The following ZFAT variants were observed in gnomAD, a reference collection of about 807,000 sequenced individuals.
The protein encoded by ZFAT is zinc finger and AT-hook domain containing, also known as zinc finger protein ZFAT.
ZFAT carries 64 observed loss-of-function variants against 117.7 expected under a neutral mutation model. The observed-to-expected ratio is 0.54, with a 90% CI of 0.44 to 0.67. ZFAT has a LOEUF of 0.67. ZFAT is among the 30% of genes least tolerant of loss of function. The probability of loss-of-function intolerance (pLI) is 0.00; values close to 1 mark genes in which losing one functional copy is unlikely to be tolerated. For missense variants in ZFAT, 1,433 were observed against 1,584.5 expected (o/e 0.90, Z 1.62); for synonymous variants, 679 against 615.0 (o/e 1.10, Z -1.54).
intron 1 of ZFAT, among the ~76,000 whole-genome samples, chr8:134,702,674 T>C (rs1243884280): frequency 2.0e-5 from 3 of 152,024 alleles, no homozygotes; most frequent in African/African-American, 7.2e-5. Context: ...TCTTTTTTTT[T>C]TTTTCTTTTT....
At chr8:134,685,351 G>A (rs912427319) in intron 1 of ZFAT, among the ~76,000 whole-genome samples, 7 of 152,172 alleles carry the variant, frequency 4.6e-5, no homozygotes, top group African/African-American at 1.7e-4. Context: ...GTTATTTCCT[G>A]TAATGCTCAC....
intron 6 of ZFAT, 113 bp from the exon 7 acceptor site, chr8:134,600,781 C>T (rs995528655): frequency 1.4e-4 from 124 of 859,406 alleles, no homozygotes; most frequent in Non-Finnish European, 1.9e-4. Flanking sequence ...TGCGCTTGTC[C>T]GGGTCACCCT....
the ZFAT span, among the ~76,000 whole-genome samples, chr8:134,802,139 T>C: frequency 1.3e-5 from 2 of 152,276 alleles, no homozygotes; most frequent in Admixed American, 6.5e-5. Context: ...AAGTTTGTAA[T>C]ATGGTACAGA....
At chr8:134,823,214 C>A in the ZFAT span, among the ~76,000 whole-genome samples, 1 of 152,118 alleles carries the variant, frequency 6.6e-6, no homozygotes, top group South Asian at 2.1e-4. Flanking sequence ...AGGACAATAC[C>A]TCAGTAGAGA....
chr8:134,788,669 T>C, the ZFAT span, among the ~76,000 whole-genome samples: 3 of 152,164 alleles, frequency 2.0e-5, no homozygotes, highest in Non-Finnish European at 4.4e-5. Context: ...TGGAAAAAGC[T>C]GCATAAGCCT....
the ZFAT span, among the ~76,000 whole-genome samples, chr8:134,759,806 A>C: frequency 6.6e-6 from 1 of 151,876 alleles, no homozygotes; most frequent in Non-Finnish European, 1.5e-5. Flanking sequence ...TGAAACTTCT[A>C]CTAAAAATAC....
At chr8:134,677,295 A>G (rs1832851723) in intron 1 of ZFAT, among the ~76,000 whole-genome samples, 4 of 152,232 alleles carry the variant, frequency 2.6e-5, no homozygotes, top group Admixed American at 2.0e-4. Context: ...ACAAACTACC[A>G]TCAGAGAATA....
chr8:134,602,369 A>G lies in ZFAT; in HGVS notation c.1350T>C (p.His450=), dbSNP rs1312392970. Residue 450 remains histidine (H), a synonymous_variant, in exon 6 of 16, where the codon CAT becomes CAC. Coordinates refer to ENST00000377838, the MANE Select transcript of ZFAT (RefSeq NM_020863.4). ...GATKYQALEL[H]VRKHPFVYVC... ...CGTACACGAAGGGGTGCTTCCTGAC[A>G]TGCAGTTCCAGCGCCTGGTACTTGG... 7.4e-6 allele frequency: 12 copies of G among 1,613,750 alleles called. No homozygotes were observed. Among genetic ancestry groups the G allele is most frequent in the Non-Finnish European group, 1.0e-5 (12 of 1,180,058 alleles).
rs368007583 is a variant in ZFAT, at chr8:134,601,703, C to T, written c.2016G>A (p.Arg672=). The T allele has an allele frequency of 6.1e-5, 99 of 1,613,234 alleles. No homozygotes were observed. Among genetic ancestry groups the T allele is most frequent in the African/African-American group, 1.3e-4 (10 of 74,912 alleles). Residue 672 remains arginine, a synonymous_variant, in exon 6 of 16, where the codon AGG becomes AGA. Transcript: ENST00000377838. The part of the protein sequence containing the change: ...VLSAGDPDPS[R]CLRSNPAEAS... ...CCTCAGCTGGGTTTGACCTGAGACA[C>T]CTGCTGGGATCTGGGTCACCAGCTG...
chr8:134,663,788 T>TGG (rs2131230089), intron 1 of ZFAT, among the ~76,000 whole-genome samples: 3 of 152,256 alleles, frequency 2.0e-5, no homozygotes, highest in South Asian at 4.2e-4. Flanking sequence ...TGAGTCTAAA[T>TGG]AACATTTAAA....
intron 7 of ZFAT, chr8:134,600,180 T>C (rs1053481508): frequency 1.7e-5 from 9 of 532,042 alleles, no homozygotes; most frequent in Non-Finnish European, 3.0e-5. Context: ...ATCTCTTCTG[T>C]AGACTTTATC....
intron 15 of ZFAT, among the ~76,000 whole-genome samples, chr8:134,490,076 C>T (rs548705584): frequency 9.8e-5 from 15 of 152,332 alleles, no homozygotes; most frequent in East Asian, 5.8e-4. Flanking sequence ...GGCCAGGCCA[C>T]GCTATTTCTC....
the ZFAT span, among the ~76,000 whole-genome samples, chr8:134,734,636 C>T: frequency 3.3e-5 from 5 of 152,264 alleles, no homozygotes; most frequent in South Asian, 1.0e-3. Context: ...GCTAAACTAC[C>T]ACCCCCAGAA....
chr8:134,534,647 G>GAGGGAGAA (rs1477565236), intron 11 of ZFAT, among the ~76,000 whole-genome samples: 1 of 148,524 alleles, frequency 6.7e-6, no homozygotes, highest in African/African-American at 2.5e-5. Context: ...GAGAGGGAGA[G>GAGGGAGAA]AGGGAGAAAG....
the ZFAT span, chr8:134,792,228 T>A: frequency 6.6e-6 from 1 of 152,224 alleles, no homozygotes; most frequent in South Asian, 2.1e-4. Flanking sequence ...GTATTAATTG[T>A]ATTGGGAATA....
chr8:134,556,076 G>C (rs957871046), intron 11 of ZFAT, among the ~76,000 whole-genome samples: 1 of 47,266 alleles, frequency 2.1e-5, no homozygotes, highest in African/African-American at 7.9e-5. Flanking sequence ...AGGAAGGAAG[G>C]GAAGGAAGGG....
intron 1 of ZFAT, among the ~76,000 whole-genome samples, chr8:134,677,461 A>G (rs1832858770): frequency 6.6e-6 from 1 of 152,186 alleles, no homozygotes; most frequent in South Asian, 2.1e-4. Context: ...ATAGCCTACC[A>G]ACCAAAAAAA....
At chr8:134,752,941 A>G in the ZFAT span, among the ~76,000 whole-genome samples, 2 of 152,124 alleles carry the variant, frequency 1.3e-5, no homozygotes, top group Non-Finnish European at 2.9e-5. Flanking sequence ...GGGGTGGGGG[A>G]AGATATAATT....
intron 10 of ZFAT, among the ~76,000 whole-genome samples, chr8:134,580,848 T>C (rs888285859): frequency 6.6e-6 from 1 of 152,222 alleles, no homozygotes; most frequent in African/African-American, 2.4e-5. Flanking sequence ...ATAAATGTTA[T>C]GTAATCATAA....
Sources: gnomAD v4.1 joint callset for allele counts (sites outside exome capture counted in the v4.1 genomes callset) on GRCh38, gnomAD v4.1.1 for gene constraint, MANE v1.5 for transcripts, NCBI Gene and HGNC (gene_info 2026-07-23, HGNC 2026-07-21) for gene names.